STX8: variants seen among roughly 807,000 people sequenced by gnomAD.
STX8 encodes syntaxin-8.
A neutral mutation model predicts 37.5 loss-of-function variants in STX8; 23 were observed. The observed-to-expected ratio is 0.61, with a 90% CI of 0.44 to 0.87. The LOEUF is 0.87. Among genes scored for constraint, STX8 ranks in the 40% least tolerant of loss-of-function variants. The pLI, the probability that STX8 is intolerant of heterozygous loss-of-function variation, is 0.00. For missense variants in STX8, 313 were observed against 284.7 expected (o/e 1.10, Z -0.71); for synonymous variants, 115 against 99.1 (o/e 1.16, Z -0.95).
chr17:9,472,088 A>C (rs1232610175), intron 6 of STX8, among the ~76,000 whole-genome samples: 2 of 141,532 alleles, frequency 1.4e-5, no homozygotes, highest in Admixed American at 7.0e-5. Context: ...TTTTTTTTTC[A>C]AAAGAAAAAA....
intron 7 of STX8, among the ~76,000 whole-genome samples, chr17:9,255,303 G>A (rs573252588): frequency 1.6e-3 from 167 of 106,602 alleles, no homozygotes; most frequent in Non-Finnish European, 3.4e-3. Flanking sequence ...AAGGCGGGCG[G>A]ATCATCTGAG....
At chr17:9,293,824 C>T (rs1482491463) in intron 7 of STX8, among the ~76,000 whole-genome samples, 1 of 151,502 alleles carries the variant, frequency 6.6e-6, no homozygotes, top group Non-Finnish European at 1.5e-5. Context: ...TGCAGCGGCA[C>T]GATCTTGGCT....
At chr17:9,299,679 G>C (rs111868168) in intron 7 of STX8, among the ~76,000 whole-genome samples, 3 of 151,916 alleles carry the variant, frequency 2.0e-5, no homozygotes, top group Non-Finnish European at 2.9e-5. Context: ...TCCTGCCCTC[G>C]TGATCTACTG....
chr17:9,565,045 T>C (rs1346282843), intron 2 of STX8, among the ~76,000 whole-genome samples: 3 of 151,668 alleles, frequency 2.0e-5, no homozygotes, highest in Non-Finnish European at 4.4e-5. Flanking sequence ...CCATCTCTAC[T>C]AAAACTACAA....
intron 4 of STX8, among the ~76,000 whole-genome samples, chr17:9,526,461 A>G (rs528882671): frequency 6.6e-6 from 1 of 152,330 alleles, no homozygotes; most frequent in South Asian, 2.1e-4. Context: ...TGACTGTAAT[A>G]TATCAAAAAT....
chr17:9,417,029 T>G (rs1913223335), intron 6 of STX8, among the ~76,000 whole-genome samples: 1 of 152,152 alleles, frequency 6.6e-6, no homozygotes, highest in Non-Finnish European at 1.5e-5. Context: ...GCTGACTCAG[T>G]GCACACAGAC....
intron 7 of STX8, among the ~76,000 whole-genome samples, chr17:9,307,152 A>G (rs975254851): frequency 6.6e-6 from 1 of 152,144 alleles, no homozygotes; most frequent in South Asian, 2.1e-4. Flanking sequence ...AAGTAAATAA[A>G]TAAATAAAAT....
chr17:9,531,518 T>C (rs970005846), intron 4 of STX8, among the ~76,000 whole-genome samples: 3 of 152,156 alleles, frequency 2.0e-5, no homozygotes, highest in African/African-American at 4.8e-5. Context: ...TCCGAAAATA[T>C]TATAGACAAT....
chr17:9,260,506 C>T (rs557734642), intron 7 of STX8, among the ~76,000 whole-genome samples: 1 of 152,288 alleles, frequency 6.6e-6, no homozygotes, highest in Non-Finnish European at 1.5e-5. Flanking sequence ...CGCCTGTAAT[C>T]CCACCTACTC....
intron 7 of STX8, among the ~76,000 whole-genome samples, chr17:9,281,410 G>C (rs991581227): frequency 6.6e-6 from 1 of 152,168 alleles, no homozygotes; most frequent in African/African-American, 2.4e-5. Context: ...CAGAAGAAAA[G>C]CAGGGCTGGA....
At chr17:9,366,921 C>G (rs890354228) in intron 7 of STX8, among the ~76,000 whole-genome samples, 5 of 152,120 alleles carry the variant, frequency 3.3e-5, no homozygotes, top group African/African-American at 1.2e-4. Flanking sequence ...GGAAGAAGAG[C>G]TATTTCTGCC....
chr17:9,415,236 T>C (rs1466857536), intron 6 of STX8, among the ~76,000 whole-genome samples: 1 of 152,178 alleles, frequency 6.6e-6, no homozygotes, highest in Non-Finnish European at 1.5e-5. Flanking sequence ...CCTTTCCTTC[T>C]GCCTTTAAAC....
At chr17:9,290,388 C>T (rs960224723) in intron 7 of STX8, among the ~76,000 whole-genome samples, 9 of 152,080 alleles carry the variant, frequency 5.9e-5, no homozygotes, top group Non-Finnish European at 1.2e-4. Flanking sequence ...CCATGGAACA[C>T]GCAGGTATTG....
At chr17:9,282,149 T>C (rs184544803) in intron 7 of STX8, among the ~76,000 whole-genome samples, 18 of 151,776 alleles carry the variant, frequency 1.2e-4, no homozygotes, top group African/African-American at 4.1e-4. Flanking sequence ...TTGTTTTGTT[T>C]TGAGATGGAG....
intron 7 of STX8, among the ~76,000 whole-genome samples, chr17:9,305,247 C>T (rs1367318958): frequency 6.6e-6 from 1 of 152,036 alleles, no homozygotes; most frequent in Non-Finnish European, 1.5e-5. Flanking sequence ...CATGCTCCAC[C>T]ACGCCTGGCT....
At chr17:9,349,729 GTCTCTCTCTC>G (rs71135969) in intron 7 of STX8, among the ~76,000 whole-genome samples, 7 of 148,580 alleles carry the variant, frequency 4.7e-5, no homozygotes, top group Non-Finnish European at 1.0e-4. Context: ...TGTGAATGTG[GTCTCTCTCTC>G]TCTCTCTCTC....
intron 7 of STX8, among the ~76,000 whole-genome samples, chr17:9,276,901 G>A (rs1472087149): frequency 6.6e-6 from 1 of 151,498 alleles, no homozygotes; most frequent in Non-Finnish European, 1.5e-5. Context: ...CTCCCAAAGT[G>A]CTGGGATTAC....
At chr17:9,517,237 G>A (rs942025289) in intron 4 of STX8, among the ~76,000 whole-genome samples, 14 of 151,934 alleles carry the variant, frequency 9.2e-5, no homozygotes, top group African/African-American at 3.1e-4. Flanking sequence ...TTTGTTTTCT[G>A]TCTCCCACGC....
intron 6 of STX8, among the ~76,000 whole-genome samples, chr17:9,387,869 CTAGA>C (rs1311794805): frequency 1.3e-5 from 2 of 152,034 alleles, no homozygotes; most frequent in African/African-American, 4.8e-5. Flanking sequence ...AACTGGGTTT[CTAGA>C]TAGATTTCTT....
Sources: allele counts gnomAD v4.1 joint callset (sites outside exome capture counted in the v4.1 genomes callset), GRCh38; gene constraint gnomAD v4.1.1; transcripts MANE v1.5; gene names NCBI Gene and HGNC (gene_info 2026-07-23, HGNC 2026-07-21).